Variants in ULK4 observed in about 807,000 individuals in gnomAD.
ULK4 encodes unc-51 like kinase 4.
A neutral mutation model predicts 160.6 loss-of-function variants in ULK4; 133 were observed. The ratio of observed to expected loss-of-function variants is 0.83; its 90% CI spans 0.72 to 0.96. The LOEUF (loss-of-function observed/expected upper bound fraction) is 0.96, where lower values mean the gene tolerates loss of function less well. ULK4 is among the 40% of genes least tolerant of loss of function. The pLI is 0.00. For missense variants in ULK4, 1,580 were observed against 1,499.5 expected, an observed-to-expected ratio of 1.05 and a Z score of -0.89; for synonymous variants, 534 against 539.8, an observed-to-expected ratio of 0.99 and a Z score of 0.15.
intron 32 of ULK4, among the ~76,000 whole-genome samples, chr3:41,506,944 A>C (rs1239554143): frequency 1.3e-5 from 2 of 149,888 alleles, no homozygotes; most frequent in African/African-American, 4.9e-5. Context: ...GCACGACTCA[A>C]GACAGCCAGA....
intron 35 of ULK4, among the ~76,000 whole-genome samples, chr3:41,333,784 G>C (rs9857720): frequency 0.37 from 56,976 of 151,942 alleles, 11,032 homozygotes; most frequent in African/African-American, 0.48. Flanking sequence ...CAGCACATCA[G>C]AATCGCGGGG....
chr3:41,640,390 A>G (rs796308765), intron 30 of ULK4, among the ~76,000 whole-genome samples: 1 of 152,168 alleles, frequency 6.6e-6, no homozygotes, highest in South Asian at 2.1e-4. Context: ...ACCTCCTGCA[A>G]TAAAATAATT....
At chr3:41,748,629 G>A (rs2038502762) in intron 22 of ULK4, among the ~76,000 whole-genome samples, 1 of 152,022 alleles carries the variant, frequency 6.6e-6, no homozygotes, top group South Asian at 2.1e-4. Flanking sequence ...GGTACATTCA[G>A]ACAAGCATAG....
intron 32 of ULK4, among the ~76,000 whole-genome samples, chr3:41,476,998 A>C (rs1165763060): frequency 2.0e-5 from 3 of 152,196 alleles, no homozygotes; most frequent in Non-Finnish European, 4.4e-5. Flanking sequence ...TCTCTCTCAG[A>C]GATGCTGTTG....
intron 12 of ULK4, 54 bp from the exon 13 acceptor site, chr3:41,900,883 A>G: frequency 7.5e-7 from 1 of 1,325,042 alleles, no homozygotes; most frequent in Non-Finnish European, 1.1e-6. Flanking sequence ...TAGATCTTTA[A>G]AACACTGAAC....
intron 18 of ULK4, among the ~76,000 whole-genome samples, chr3:41,824,344 G>A (rs2125636087): frequency 6.6e-6 from 1 of 152,092 alleles, no homozygotes; most frequent in East Asian, 1.9e-4. Context: ...AGCACACCGA[G>A]CATAAGACAA....
rs1367157806 is a variant in ULK4, at chr3:41,911,646, C to T, written c.910G>A (p.Glu304Lys). 1.2e-6 allele frequency: 2 copies of T among 1,612,158 alleles called. No homozygotes were observed. The highest frequency in any genetic ancestry group is 1.7e-6 in the Non-Finnish European group (2 of 1,178,996). The change falls in exon 10 of 37, where the codon GAG (glutamate) becomes AAG (lysine). Residue 304 changes from glutamate to lysine, a missense_variant. Physicochemically the swap from Glu to Lys is moderately conservative, Grantham distance 56. Transcript: ENST00000301831. Reference protein sequence around the residue: ...EDLSLSRNTMECSGPQDSKEL... With the variant: ...EDLSLSRNTMKCSGPQDSKEL... The stretch of plus-strand genomic sequence containing the variant: ...TTGGAATCTTGTGGCCCAGAACACT[C>T]CATAGTGTTTCTGCTATTATTGGAG...
intron 22 of ULK4, among the ~76,000 whole-genome samples, chr3:41,727,839 A>C (rs2037703515): frequency 6.6e-6 from 1 of 152,236 alleles, no homozygotes; most frequent in South Asian, 2.1e-4. Context: ...ATGAGAAGTC[A>C]TGGTGGCTTT....
In ULK4 at chr3:41,705,054, G is replaced by A; in HGVS notation, c.2781+3C>T. ...GCTTTTTTCAAAAGCTGCCAGAACTGACCGTGGAGCGATAGTCTTTCAATA... is the reference window on the plus strand; with the variant it reads ...GCTTTTTTCAAAAGCTGCCAGAACTAACCGTGGAGCGATAGTCTTTCAATA... On this transcript the variant is annotated splice_donor_region_variant and intron_variant, in intron 27 of 36. Transcript: ENST00000301831. 1 of 1,606,748 alleles carries A rather than the reference G, an allele frequency of 6.2e-7. No individual in the cohort carries two copies. The highest frequency in any genetic ancestry group is 8.5e-7 in the Non-Finnish European group (1 of 1,177,636).
intron 30 of ULK4, among the ~76,000 whole-genome samples, chr3:41,620,871 C>T (rs2033211095): frequency 6.6e-6 from 1 of 152,122 alleles, no homozygotes; most frequent in Non-Finnish European, 1.5e-5. Context: ...AAAACCCCAT[C>T]ATCTCAGCCC....
intron 30 of ULK4, among the ~76,000 whole-genome samples, chr3:41,642,799 C>G (rs980511198): frequency 6.6e-6 from 1 of 152,206 alleles, no homozygotes; most frequent in African/African-American, 2.4e-5. Context: ...GGTTTACAGT[C>G]CCACCAACAG....
rs529504084 is a variant in ULK4 at position 41,593,213 on chromosome 3, A to G, written c.3120+22456T>C. ...GAGTTTATCACTGAGAGACAAGAAA[A>G]CACAACTACCCACTTTGCTGTCTAA... On this transcript the variant is annotated intron_variant, in intron 31 of 36. Transcript: ENST00000301831. 5.3e-5 allele frequency among the ~76,000 whole-genome samples: 8 copies of G among 152,346 alleles called. No homozygotes were observed. In the South Asian group the frequency reaches 1.2e-3, roughly 24 times the overall value.
chr3:41,674,370 G>A (rs192161258), intron 29 of ULK4, among the ~76,000 whole-genome samples: 226 of 152,232 alleles, frequency 1.5e-3, no homozygotes, highest in Non-Finnish European at 2.4e-3. Context: ...GTCAATTTAG[G>A]CTTCAGTTCT....
rs557819767 is a variant in ULK4, at chr3:41,563,827, TTTG to T, written c.3226+2195_3226+2197del. On this transcript the variant is annotated intron_variant, in intron 32 of 36. Transcript: ENST00000301831. The stretch of plus-strand genomic sequence containing the variant: ...AACATGCTCCTGTAGCTTGGAGAAG[TTTG>T]TTATTACCGACCTTTTGAAGTCTAC... 1.9e-3 allele frequency among the ~76,000 whole-genome samples: 293 copies of T among 152,286 alleles called. 1 individual carries two copies. Among genetic ancestry groups the T allele is most frequent in the Admixed American group, 4.4e-3 (67 of 15,296 alleles).
intron 34 of ULK4, among the ~76,000 whole-genome samples, chr3:41,428,709 C>T (rs2082834551): frequency 6.6e-6 from 1 of 152,082 alleles, no homozygotes; most frequent in South Asian, 2.1e-4. Flanking sequence ...GGAAAACTGG[C>T]TAGTCATATG....
chr3:41,681,209 T>C (rs1289350285), intron 29 of ULK4, among the ~76,000 whole-genome samples: 1 of 152,180 alleles, frequency 6.6e-6, no homozygotes, highest in Non-Finnish European at 1.5e-5. Flanking sequence ...CCTTGAATCA[T>C]AACCCTCACC....
chr3:41,600,627 C>T (rs1358388911), intron 31 of ULK4, among the ~76,000 whole-genome samples: 1 of 152,264 alleles, frequency 6.6e-6, no homozygotes, highest in African/African-American at 2.4e-5. Context: ...TGTCCCCTCT[C>T]TCCTGAATGG....
chr3:41,249,395 G>T, intron 36 of ULK4, 94 bp downstream of exon 36: 1 of 1,173,936 alleles, frequency 8.5e-7, no homozygotes, highest in Non-Finnish European at 1.2e-6. Context: ...AGTCCCTGGT[G>T]TGGAGGGAGA....
chr3:41,828,681 G>A lies in ULK4; in HGVS notation c.1764+7183C>T, dbSNP rs552404821. ...AAATGGAAGAACATTCCATGCTCAT[G>A]GGTAGGAAGAATCAGTATCGTGAAA... On this transcript the variant is annotated intron_variant, in intron 18 of 36. Coordinates refer to ENST00000301831, the MANE Select transcript of ULK4 (RefSeq NM_017886.4). Among the ~76,000 whole-genome samples, 11 of 151,514 alleles carry A rather than the reference G, an allele frequency of 7.3e-5. No homozygotes were observed. The East Asian group carries it at 9.6e-4, about 13-fold the overall frequency.
Sources: gnomAD v4.1 joint callset for allele counts (sites outside exome capture counted in the v4.1 genomes callset) on GRCh38, gnomAD v4.1.1 for gene constraint, MANE v1.5 for transcripts, NCBI Gene and HGNC (gene_info 2026-07-23, HGNC 2026-07-21) for gene names.